ROBO2: variants seen among roughly 807,000 people sequenced by gnomAD.
ROBO2 encodes the protein roundabout homolog 2.
ROBO2 carries 53 observed loss-of-function variants against 160.8 expected under a neutral mutation model. The ratio of observed to expected loss-of-function variants is 0.33; its 90% confidence interval spans 0.26 to 0.41. ROBO2 has a LOEUF of 0.41. Ranked by LOEUF, ROBO2 falls within the 10% of genes least tolerant of loss-of-function variation. The pLI is 1.00. For synonymous variants in ROBO2, 664 were observed against 611.7 expected (o/e 1.09, Z -1.26); for missense variants, 1,577 against 1,722.4 (o/e 0.92, Z 1.49).
At chr3:77,570,486 C>T (rs552511635) in intron 13 of ROBO2, among the ~76,000 whole-genome samples, 3 of 152,000 alleles carry the variant, frequency 2.0e-5, no homozygotes, top group African/African-American at 7.2e-5. Flanking sequence ...ATGAAGTACT[C>T]TTTTTAATAA....
At chr3:76,719,898 A>T (rs1422351058) in intron 2 of ROBO2, among the ~76,000 whole-genome samples, 4 of 144,090 alleles carry the variant, frequency 2.8e-5, no homozygotes, top group Non-Finnish European at 3.1e-5. Flanking sequence ...AAAAAAAAAA[A>T]AGCATTTCTT....
intron 2 of ROBO2, chr3:75,964,847 T>C (rs904063882): frequency 1.3e-5 from 2 of 151,772 alleles, no homozygotes; most frequent in African/African-American, 4.8e-5. Flanking sequence ...AAAGTTTATA[T>C]TTTGCCACCA....
chr3:76,283,458 C>T (rs1708351075), intron 2 of ROBO2, among the ~76,000 whole-genome samples: 1 of 151,718 alleles, frequency 6.6e-6, no homozygotes, highest in South Asian at 2.1e-4. Flanking sequence ...CTTTTGATGT[C>T]TCAACCTCAA....
intron 2 of ROBO2, among the ~76,000 whole-genome samples, chr3:77,309,173 T>G (rs2063341051): frequency 6.6e-6 from 1 of 152,164 alleles, no homozygotes; most frequent in African/African-American, 2.4e-5. Flanking sequence ...TTAATTTATT[T>G]TCCTTTTCCT....
chr3:77,514,375 T>C (rs2089764973), intron 5 of ROBO2, among the ~76,000 whole-genome samples: 1 of 151,772 alleles, frequency 6.6e-6, no homozygotes, highest in Admixed American at 6.6e-5. Context: ...GAAAAAATAT[T>C]GATAAAGTTA....
chr3:76,939,657 G>A (rs948995681), intron 2 of ROBO2, among the ~76,000 whole-genome samples: 1 of 152,100 alleles, frequency 6.6e-6, no homozygotes, highest in African/African-American at 2.4e-5. Context: ...GGTGATGCAT[G>A]CCTGTAATCT....
intron 2 of ROBO2, among the ~76,000 whole-genome samples, chr3:76,974,760 A>G (rs1426197927): frequency 2.0e-5 from 3 of 152,142 alleles, no homozygotes; most frequent in Non-Finnish European, 4.4e-5. Context: ...ATTCTTAGAA[A>G]TGTTTTTGGC....
chr3:76,097,988 C>T (rs1445395741), intron 2 of ROBO2, among the ~76,000 whole-genome samples: 1 of 151,720 alleles, frequency 6.6e-6, no homozygotes. Context: ...CATTTTTTGA[C>T]ACCCTTGAAA....
intron 2 of ROBO2, among the ~76,000 whole-genome samples, chr3:77,434,646 GT>G (rs1023607616): frequency 7.9e-5 from 12 of 152,008 alleles, no homozygotes; most frequent in Middle Eastern, 3.4e-3. Context: ...TGCAAAGAAG[GT>G]TTAGTGCTTA....
intron 1 of ROBO2, among the ~76,000 whole-genome samples, chr3:77,078,120 C>G (rs556530559): frequency 2.6e-5 from 4 of 152,270 alleles, no homozygotes; most frequent in Middle Eastern, 3.4e-3. Context: ...TATGTATACA[C>G]CTCAATGCAG....
intron 2 of ROBO2, among the ~76,000 whole-genome samples, chr3:76,597,156 T>A (rs1232806677): frequency 6.6e-6 from 1 of 152,096 alleles, no homozygotes; most frequent in African/African-American, 2.4e-5. Context: ...ACCGTAAAAC[T>A]ATTAAATTTT....
chr3:76,927,101 G>A (rs1163972981), intron 2 of ROBO2, among the ~76,000 whole-genome samples: 1 of 152,042 alleles, frequency 6.6e-6, no homozygotes, highest in Non-Finnish European at 1.5e-5. Context: ...GCTCTGGGCT[G>A]TTATTTATAA....
At chr3:77,625,138 T>C (rs2094984189) in intron 23 of ROBO2, among the ~76,000 whole-genome samples, 1 of 152,122 alleles carries the variant, frequency 6.6e-6, no homozygotes. Flanking sequence ...TGAAATGATG[T>C]TCTATGAGTG....
intron 2 of ROBO2, among the ~76,000 whole-genome samples, chr3:76,303,462 T>C (rs2071173720): frequency 2.0e-5 from 3 of 152,096 alleles, no homozygotes; most frequent in Admixed American, 2.0e-4. Flanking sequence ...GCAGTGCATT[T>C]CAGAGGTACA....
chr3:76,004,659 T>G (rs965020653), intron 2 of ROBO2, among the ~76,000 whole-genome samples: 1 of 152,182 alleles, frequency 6.6e-6, no homozygotes, highest in Non-Finnish European at 1.5e-5. Flanking sequence ...TGATTAAGTC[T>G]CTGTTCTTAT....
At chr3:77,150,728 G>A (rs1356575981) in intron 2 of ROBO2, among the ~76,000 whole-genome samples, 2 of 149,622 alleles carry the variant, frequency 1.3e-5, no homozygotes, top group African/African-American at 4.9e-5. Flanking sequence ...GGAATGAGAA[G>A]CCTTTTTTTT....
chr3:77,490,099 CTTTTTTT>C (rs753903306), intron 4 of ROBO2, among the ~76,000 whole-genome samples: 6 of 126,652 alleles, frequency 4.7e-5, no homozygotes, highest in Non-Finnish European at 8.4e-5. Flanking sequence ...TTGTATTTTA[CTTTTTTT>C]TTTTTTTTTT....
intron 2 of ROBO2, among the ~76,000 whole-genome samples, chr3:76,049,061 G>C (rs1221625260): frequency 2.0e-5 from 3 of 152,124 alleles, no homozygotes; most frequent in Admixed American, 6.5e-5. Context: ...CAAGATACAG[G>C]ATAATGGTCA....
chr3:76,668,911 G>T (rs1296089830), intron 2 of ROBO2, among the ~76,000 whole-genome samples: 1 of 152,118 alleles, frequency 6.6e-6, no homozygotes, highest in African/African-American at 2.4e-5. Flanking sequence ...TTCTTTGGAG[G>T]AAGAGGATGG....
Sources: allele counts gnomAD v4.1 joint callset (sites outside exome capture counted in the v4.1 genomes callset), GRCh38; gene constraint gnomAD v4.1.1; transcripts MANE v1.5; gene names NCBI Gene and HGNC (gene_info 2026-07-23, HGNC 2026-07-21).